The following TCF12 variants were observed in gnomAD, a reference collection of about 807,000 sequenced individuals.
TCF12 encodes the protein transcription factor 12.
TCF12 carries 45 observed loss-of-function variants against 86.0 expected under a neutral mutation model. The observed-to-expected ratio is 0.52, with a 90% CI of 0.41 to 0.67. The LOEUF is 0.67. TCF12 is among the 30% of genes least tolerant of loss of function. TCF12 has a pLI of 0.00. For missense variants in TCF12, 881 were observed against 859.9 expected, an observed-to-expected ratio of 1.02 and a Z score of -0.31; for synonymous variants, 330 against 299.6, an observed-to-expected ratio of 1.10 and a Z score of -1.05.
At chr15:57,224,553 AG>A (rs1699849810) in intron 8 of TCF12, among the ~76,000 whole-genome samples, 1 of 152,148 alleles carries the variant, frequency 6.6e-6, no homozygotes. Context: ...TTTGTTACAC[AG>A]TAAGAGCAGC....
rs139530756 is a variant in TCF12, at chr15:57,225,220, C to CTTTTTTTTTTTTT, written c.580-5913_580-5901dup. Reference sequence around the variant, plus strand: ...TTACCATTTAGGTTACTGATATATGCTTTTTTTTTTTTTTTTTTTTTTTTT... The same window carrying CTTTTTTTTTTTTT: ...TTACCATTTAGGTTACTGATATATGCTTTTTTTTTTTTTTTTTTTTTTTTTTTTTTTTTTTTTT... On this transcript the variant is annotated intron_variant, in intron 8 of 20. Transcript: ENST00000333725. 5.0e-5 allele frequency among the ~76,000 whole-genome samples: 2 copies of CTTTTTTTTTTTTT among 39,762 alleles called. 1 individual carries two copies. The highest frequency in any genetic ancestry group is 2.1e-4 in the African/African-American group (2 of 9,646). 26.1% of individuals were successfully genotyped at this position (39,762 alleles called of 152,430 possible).
intron 8 of TCF12, among the ~76,000 whole-genome samples, chr15:57,228,283 A>G (rs1252385973): frequency 6.6e-6 from 1 of 152,116 alleles, no homozygotes; most frequent in East Asian, 1.9e-4. Context: ...TAAGATACCA[A>G]AAGTAAAGTT....
intron 5 of TCF12, among the ~76,000 whole-genome samples, chr15:57,162,054 C>T (rs538199080): frequency 7.8e-4 from 118 of 152,256 alleles, no homozygotes; most frequent in African/African-American, 2.7e-3. Context: ...CTCACACCCC[C>T]GCAACACAAG....
chr15:57,154,341 G>A (rs967738522), intron 5 of TCF12, among the ~76,000 whole-genome samples: 26 of 151,958 alleles, frequency 1.7e-4, no homozygotes, highest in Non-Finnish European at 3.5e-4. Context: ...TCTTTCCCCC[G>A]TGAGCTTCAA....
chr15:57,067,095 T>C (rs2068943628), intron 4 of TCF12, among the ~76,000 whole-genome samples: 1 of 152,200 alleles, frequency 6.6e-6, no homozygotes, highest in Non-Finnish European at 1.5e-5. Context: ...ATGGTTCCAG[T>C]CTGTGTGTCT....
intron 3 of TCF12, among the ~76,000 whole-genome samples, chr15:56,978,165 A>G (rs1166302269): frequency 1.3e-5 from 2 of 152,218 alleles, no homozygotes; most frequent in African/African-American, 2.4e-5. Flanking sequence ...TCAATACTGC[A>G]ATGATCATTT....
intron 1 of TCF12, chr15:56,919,346 G>C (rs1319505104): frequency 1.3e-5 from 2 of 152,066 alleles, no homozygotes; most frequent in Non-Finnish European, 2.9e-5. Flanking sequence ...CCTTGGATGA[G>C]CTGGGGGTGC....
chr15:57,055,639 A>G lies in TCF12; in HGVS notation c.149-8111A>G, dbSNP rs906181132. 7.9e-5 allele frequency among the ~76,000 whole-genome samples: 12 copies of G among 152,112 alleles called. No homozygotes were observed. In the Middle Eastern group the frequency reaches 0.01, roughly 129 times the overall value. On this transcript the variant is annotated intron_variant, in intron 3 of 20. Transcript: ENST00000333725. ...TTTTTTCACATCTGCTGGCATTCAT[A>G]GTTTCTGAAGACAAGTTCTTAGTTA...
intron 3 of TCF12, among the ~76,000 whole-genome samples, chr15:56,998,779 C>T (rs1451743340): frequency 2.6e-5 from 4 of 152,104 alleles, no homozygotes; most frequent in African/African-American, 4.8e-5. Context: ...GACTGTATCT[C>T]GGTCTTAATA....
intron 3 of TCF12, among the ~76,000 whole-genome samples, chr15:57,015,110 G>A (rs1316148946): frequency 2.0e-5 from 3 of 151,818 alleles, no homozygotes; most frequent in South Asian, 2.1e-4. Flanking sequence ...CCAACATGGC[G>A]AAACCCTGTC....
In TCF12 at chr15:56,984,612, A is replaced by G. The variant is rs544968123; in HGVS notation, c.148+63514A>G. Among the ~76,000 whole-genome samples the G allele has an allele frequency of 7.9e-5, 12 of 152,320 alleles. No individual in the cohort carries two copies. In the South Asian group the frequency reaches 8.3e-4, roughly 11 times the overall value. Reference sequence around the variant, plus strand: ...GTATAGTTTAAACTGCTGTTTTACTAATTCTTCTGGAGTGAGAAACATTTT... The same window carrying G: ...GTATAGTTTAAACTGCTGTTTTACTGATTCTTCTGGAGTGAGAAACATTTT... On this transcript the variant is annotated intron_variant, in intron 3 of 20. Transcript: ENST00000333725.
Position 57,289,555 on chromosome 15 carries a change from A to G in TCF12, c.*3410A>G, listed in dbSNP as rs2062035917. 6.6e-6 allele frequency: 1 copy of G among 151,794 alleles called. No individual in the cohort carries two copies. The highest frequency in any genetic ancestry group is 2.4e-5 in the African/African-American group (1 of 41,282). The allele number at this position is 151,794 out of a possible 1,614,324, so 9.4% of individuals were successfully genotyped here. ...GTTTTATTTCATTTTTCTTTTCTAT[A>G]GTTCATGTTTTCTTTTTCCTTGGAA... On this transcript the variant is annotated 3_prime_UTR_variant, in exon 21 of 21. Coordinates refer to ENST00000333725, the MANE Select transcript of TCF12 (RefSeq NM_207037.2).
At chr15:57,247,056 G>A in intron 13 of TCF12, 1 of 556,914 alleles carries the variant, frequency 1.8e-6, no homozygotes, top group South Asian at 1.4e-5. Flanking sequence ...TTCATAGTTT[G>A]ATTGCTGTTG....
Position 57,263,261 on chromosome 15 carries a change from A to G in TCF12, c.1732A>G (p.Arg578Gly), listed in dbSNP as rs763875961. 1.4e-5 allele frequency: 23 copies of G among 1,610,250 alleles called. No individual in the cohort carries two copies. The highest frequency in any genetic ancestry group is 1.3e-5 in the African/African-American group (1 of 74,720). The part of the protein sequence containing the change: ...SSQKDIKVSS[R>G]GRTSSTNEDE... ...CCAAAAAGATATCAAGGTTTCATCT[A>G]GAGGCAGAACAAGGTATTTGTTAGC... The change falls in exon 18 of 21, where the codon AGA becomes GGA. Residue 578 changes from arginine (R) to glycine (G), a missense_variant. Arg to Gly is a moderately radical substitution (Grantham distance 125). Coordinates refer to ENST00000333725, the MANE Select transcript of TCF12 (RefSeq NM_207037.2).
In TCF12 at chr15:57,190,736, A is replaced by C. The variant is rs527522585; in HGVS notation, c.391-1422A>C. Among the ~76,000 whole-genome samples, 41 of 152,312 alleles carry C rather than the reference A, an allele frequency of 2.7e-4. 1 individual carries two copies. In the South Asian group the frequency reaches 8.5e-3, roughly 32 times the overall value. On this transcript the variant is annotated intron_variant, in intron 6 of 20. Transcript: ENST00000333725. ...CTCTGAATTATAAATGAAGCACTTC[A>C]CAAAGTCTCATAATGTCACTGTAGC... is the stretch of plus-strand genomic sequence containing the variant.
In TCF12 at chr15:57,233,946, A is replaced by C. The variant is rs193237050; in HGVS notation, c.971-97A>C. The stretch of plus-strand genomic sequence containing the variant: ...TTCCTAGTTTACTGTAACAGATGTG[A>C]GATGATGATAGAGAACACCCTTGGA... On this transcript the variant is annotated intron_variant, in intron 11 of 20. Coordinates refer to ENST00000333725, the MANE Select transcript of TCF12 (RefSeq NM_207037.2). 1.4e-5 allele frequency: 13 copies of C among 911,676 alleles called. No homozygotes were observed. In the East Asian group the frequency reaches 3.3e-4, roughly 23 times the overall value. The allele number at this position is 911,676 out of a possible 1,614,324, so 56.5% of individuals were successfully genotyped here.
chr15:57,154,431 C>T (rs1394745844), intron 5 of TCF12, among the ~76,000 whole-genome samples: 1 of 152,186 alleles, frequency 6.6e-6, no homozygotes, highest in African/African-American at 2.4e-5. Context: ...CCTAAAACCA[C>T]TTTGCCCAAA....
At chr15:57,164,677 T>A (rs2151531349) in intron 5 of TCF12, among the ~76,000 whole-genome samples, 1 of 152,156 alleles carries the variant, frequency 6.6e-6, no homozygotes, top group South Asian at 2.1e-4. Flanking sequence ...AAGAATTTTT[T>A]TTTCTTTTTT....
intron 3 of TCF12, among the ~76,000 whole-genome samples, chr15:56,947,635 T>C (rs1341853957): frequency 6.6e-6 from 1 of 152,242 alleles, no homozygotes; most frequent in Admixed American, 6.5e-5. Context: ...ATGTGTGTTT[T>C]CTAATTTTTT....
Sources: allele counts gnomAD v4.1 joint callset (sites outside exome capture counted in the v4.1 genomes callset), GRCh38; gene constraint gnomAD v4.1.1; transcripts MANE v1.5; gene names NCBI Gene and HGNC (gene_info 2026-07-23, HGNC 2026-07-21).